PCDH17: variants seen among roughly 807,000 people sequenced by gnomAD.
The protein encoded by PCDH17 is protocadherin 17, also known as protocadherin-17.
PCDH17 carries 21 observed loss-of-function variants against 67.7 expected under a neutral mutation model. The observed-to-expected ratio is 0.31, with a 90% confidence interval of 0.22 to 0.45. The LOEUF is 0.45. PCDH17 is among the 20% of genes least tolerant of loss of function. PCDH17 has a pLI of 1.00. For missense variants in PCDH17, 1,471 were observed against 1,564.8 expected, an observed-to-expected ratio of 0.94 and a Z score of 1.01; for synonymous variants, 701 against 656.7, an observed-to-expected ratio of 1.07 and a Z score of -1.03.
chr13:57,698,069 A>G (rs1298155805), intron 3 of PCDH17, among the ~76,000 whole-genome samples: 2 of 151,682 alleles, frequency 1.3e-5, no homozygotes, highest in African/African-American at 2.4e-5. Flanking sequence ...GCCAGTATAC[A>G]TATGGTGTAA....
Position 57,726,808 on chromosome 13 carries a change from T to A in PCDH17, c.*1514T>A, listed in dbSNP as rs538293466. The A allele has an allele frequency of 3.3e-5, 5 of 152,386 alleles. No individual in the cohort carries two copies. The highest frequency in any genetic ancestry group is 2.1e-4 in the South Asian group (1 of 4,832). 9.4% of individuals were successfully genotyped at this position (152,386 alleles called of 1,614,324 possible). On this transcript the variant is annotated 3_prime_UTR_variant, in exon 4 of 4. Coordinates refer to ENST00000377918, the MANE Select transcript of PCDH17 (RefSeq NM_001040429.3). Reference sequence around the variant, plus strand: ...CCATCAGTTGGTTCTCAAAAGTATTTTAAGTGCTTCAGATGTGTGTTCCCA... The same window carrying A: ...CCATCAGTTGGTTCTCAAAAGTATTATAAGTGCTTCAGATGTGTGTTCCCA...
intron 1 of PCDH17, among the ~76,000 whole-genome samples, chr13:57,637,929 T>C (rs907798194): frequency 2.6e-5 from 4 of 152,060 alleles, no homozygotes; most frequent in African/African-American, 9.7e-5. Context: ...GTATGGATGC[T>C]AAGCATTCAT....
At chr13:57,704,576 A>C (rs1314613409) in intron 3 of PCDH17, among the ~76,000 whole-genome samples, 1 of 151,708 alleles carries the variant, frequency 6.6e-6, no homozygotes, top group Non-Finnish European at 1.5e-5. Context: ...AAAAAAAAAA[A>C]CAAAAAAACT....
chr13:57,644,303 T>C (rs1593896415), intron 1 of PCDH17, among the ~76,000 whole-genome samples: 1 of 151,596 alleles, frequency 6.6e-6, no homozygotes, highest in East Asian at 1.9e-4. Flanking sequence ...GGCTCTGATA[T>C]CAGATGTGCC....
intron 3 of PCDH17, among the ~76,000 whole-genome samples, chr13:57,700,075 A>G (rs1341835121): frequency 1.3e-5 from 2 of 152,118 alleles, no homozygotes; most frequent in Non-Finnish European, 2.9e-5. Flanking sequence ...TTTGGTCAAC[A>G]CATTATGTGG....
chr13:57,636,145 T>C (rs988041130), intron 1 of PCDH17, among the ~76,000 whole-genome samples: 3 of 152,210 alleles, frequency 2.0e-5, no homozygotes, highest in African/African-American at 7.2e-5. Flanking sequence ...ATACCATGTC[T>C]AGTCATTGTC....
chr13:57,699,057 G>A (rs1344811042), intron 3 of PCDH17, among the ~76,000 whole-genome samples: 3 of 151,360 alleles, frequency 2.0e-5, no homozygotes. Context: ...AGAGATAACG[G>A]CAGTTTTATT....
At chr13:57,716,560 C>T (rs981193313) in intron 3 of PCDH17, among the ~76,000 whole-genome samples, 3 of 151,912 alleles carry the variant, frequency 2.0e-5, no homozygotes, top group Admixed American at 6.6e-5. Flanking sequence ...AGCACCACCT[C>T]TTGCATAAAG....
At chr13:57,716,340 C>T (rs1423119091) in intron 3 of PCDH17, among the ~76,000 whole-genome samples, 2 of 151,884 alleles carry the variant, frequency 1.3e-5, no homozygotes, top group African/African-American at 4.8e-5. Flanking sequence ...ATTCTTTTTT[C>T]AGATCCTAGC....
intron 1 of PCDH17, among the ~76,000 whole-genome samples, chr13:57,642,459 A>G (rs1257514442): frequency 2.6e-5 from 4 of 151,678 alleles, no homozygotes; most frequent in African/African-American, 7.2e-5. Flanking sequence ...AAAGATTCTG[A>G]TGCTATTTTC....
chr13:57,722,094 C>T (rs1049252478), intron 3 of PCDH17, among the ~76,000 whole-genome samples: 4 of 152,118 alleles, frequency 2.6e-5, no homozygotes, highest in African/African-American at 9.7e-5. Flanking sequence ...TCAAAATTTG[C>T]TCCCCACGAT....
chr13:57,710,894 T>C (rs1019122661), intron 3 of PCDH17, among the ~76,000 whole-genome samples: 4 of 151,808 alleles, frequency 2.6e-5, no homozygotes, highest in African/African-American at 9.7e-5. Context: ...ACAGACAAGG[T>C]TATAGTTGGG....
chr13:57,696,439 T>C (rs1373641717), intron 3 of PCDH17, among the ~76,000 whole-genome samples: 1 of 151,248 alleles, frequency 6.6e-6, no homozygotes, highest in Admixed American at 6.6e-5. Context: ...TGTAGAGAAA[T>C]ATAATAAAAT....
At chr13:57,696,658 G>A (rs1955611720) in intron 3 of PCDH17, among the ~76,000 whole-genome samples, 1 of 151,474 alleles carries the variant, frequency 6.6e-6, no homozygotes, top group South Asian at 2.1e-4. Context: ...TAATAAAATT[G>A]AAATTTATTT....
intron 1 of PCDH17, among the ~76,000 whole-genome samples, chr13:57,663,582 A>G (rs1222337575): frequency 6.6e-6 from 1 of 152,192 alleles, no homozygotes; most frequent in Non-Finnish European, 1.5e-5. Context: ...CTAGATAATG[A>G]AAATGTAGTC....
chr13:57,684,826 C>T (rs965660145), intron 3 of PCDH17, among the ~76,000 whole-genome samples: 4 of 151,914 alleles, frequency 2.6e-5, no homozygotes, highest in Admixed American at 6.6e-5. Flanking sequence ...TTATTACTTA[C>T]GTATCACCAG....
At chr13:57,648,106 G>A (rs955731116) in intron 1 of PCDH17, among the ~76,000 whole-genome samples, 8 of 151,782 alleles carry the variant, frequency 5.3e-5, no homozygotes, top group Non-Finnish European at 1.2e-4. Flanking sequence ...GGAGACATCT[G>A]TTATTTAACG....
chr13:57,676,849 A>C (rs1955396130), intron 3 of PCDH17, among the ~76,000 whole-genome samples: 1 of 151,916 alleles, frequency 6.6e-6, no homozygotes, highest in East Asian at 1.9e-4. Flanking sequence ...ATTTAAAATA[A>C]AATATACTGA....
At chr13:57,681,625 C>T (rs867551507) in intron 3 of PCDH17, among the ~76,000 whole-genome samples, 10 of 151,758 alleles carry the variant, frequency 6.6e-5, no homozygotes, top group South Asian at 4.1e-4. Context: ...TGTGTTAACA[C>T]ATTAACACCA....
Sources: gnomAD v4.1 joint callset for allele counts (sites outside exome capture counted in the v4.1 genomes callset) on GRCh38, gnomAD v4.1.1 for gene constraint, MANE v1.5 for transcripts, NCBI Gene and HGNC (gene_info 2026-07-23, HGNC 2026-07-21) for gene names.